The following SLC41A3 variants were observed in gnomAD, a reference collection of about 807,000 sequenced individuals.
SLC41A3 encodes the protein solute carrier family 41 member 3.
In SLC41A3, 44 loss-of-function variants were observed where a neutral mutation model predicts 45.4. The observed-to-expected ratio is 0.97, with a 90% CI of 0.76 to 1.25. The LOEUF (loss-of-function observed/expected upper bound fraction) is 1.25. Ranked by LOEUF, SLC41A3 falls within the 50% of genes most tolerant of loss-of-function variation. The probability of loss-of-function intolerance (pLI) is 0.00; values close to 1 mark genes in which losing one functional copy is unlikely to be tolerated. For missense variants in SLC41A3, 550 were observed against 600.6 expected, an observed-to-expected ratio of 0.92 and a Z score of 0.88; for synonymous variants, 256 against 252.4, an observed-to-expected ratio of 1.01 and a Z score of -0.13.
intron 2 of SLC41A3, among the ~76,000 whole-genome samples, chr3:126,052,272 C>T (rs1051083626): frequency 6.6e-6 from 1 of 152,170 alleles, no homozygotes; most frequent in Admixed American, 6.5e-5. Context: ...AGCCTGCACA[C>T]CCTCCACATA....
intron 2 of SLC41A3, among the ~76,000 whole-genome samples, chr3:126,061,705 C>T (rs1251680595): frequency 6.6e-6 from 1 of 152,112 alleles, no homozygotes; most frequent in Non-Finnish European, 1.5e-5. Context: ...GAGGAGGTGA[C>T]CATAACAACA....
chr3:126,042,388 C>T (rs1055057379), intron 3 of SLC41A3, among the ~76,000 whole-genome samples: 1 of 152,090 alleles, frequency 6.6e-6, no homozygotes, highest in Non-Finnish European at 1.5e-5. Context: ...CCGAAAAGAC[C>T]TTAAGCCTTC....
intron 3 of SLC41A3, among the ~76,000 whole-genome samples, chr3:126,040,472 A>G (rs960445781): frequency 6.6e-6 from 1 of 152,200 alleles, no homozygotes; most frequent in Non-Finnish European, 1.5e-5. Flanking sequence ...AGGCAGAGGT[A>G]GTCCTGGGGA....
At chr3:126,081,163 G>C (rs1455856221) in intron 1 of SLC41A3, among the ~76,000 whole-genome samples, 1 of 152,150 alleles carries the variant, frequency 6.6e-6, no homozygotes, top group African/African-American at 2.4e-5. Flanking sequence ...ATACACAATG[G>C]AGTACTATTC....
At chr3:126,031,113 A>G (rs1941765387) in intron 4 of SLC41A3, among the ~76,000 whole-genome samples, 1 of 152,198 alleles carries the variant, frequency 6.6e-6, no homozygotes, top group Non-Finnish European at 1.5e-5. Flanking sequence ...AATACAGAAA[A>G]CCATATATAT....
intron 3 of SLC41A3, among the ~76,000 whole-genome samples, chr3:126,038,009 C>T (rs1115841): frequency 0.68 from 103,766 of 152,162 alleles, 36,835 homozygotes; most frequent in African/African-American, 0.89. Context: ...AGTACAGCTT[C>T]GGCTGCTGCT....
chr3:126,061,080 T>G (rs1944040216), intron 2 of SLC41A3, among the ~76,000 whole-genome samples: 2 of 152,160 alleles, frequency 1.3e-5, no homozygotes, highest in Non-Finnish European at 2.9e-5. Flanking sequence ...TTTCTGACAC[T>G]GCAGTGGGAA....
intron 1 of SLC41A3, among the ~76,000 whole-genome samples, chr3:126,100,343 A>G (rs1945684563): frequency 6.6e-6 from 1 of 152,120 alleles, no homozygotes; most frequent in African/African-American, 2.4e-5. Flanking sequence ...ACCACATCAG[A>G]ATGTTCTAGG....
At chr3:126,037,926 C>T (rs2107797738) in intron 3 of SLC41A3, among the ~76,000 whole-genome samples, 1 of 152,174 alleles carries the variant, frequency 6.6e-6, no homozygotes, top group South Asian at 2.1e-4. Context: ...GCACTGCTTC[C>T]CTACACAGCC....
At chr3:126,048,097 A>G (rs1576304441) in intron 3 of SLC41A3, among the ~76,000 whole-genome samples, 1 of 152,224 alleles carries the variant, frequency 6.6e-6, no homozygotes, top group African/African-American at 2.4e-5. Context: ...CAAAGAAGAC[A>G]TACAAACGGC....
rs778832877 is a variant in SLC41A3 at position 126,016,787 on chromosome 3, G to A, written c.834C>T (p.Ile278=). ...ACCAGCCAAACTTCAGGATCTTCAC[G>A]ATGGGTGGGCTCTGCTTGGCAATGA... is the stretch of plus-strand genomic sequence containing the variant. ...WVLIAKQSPP[I]VKILKFGWFP... The change falls in exon 7 of 11, where the codon ATC becomes ATT. Residue 278 remains isoleucine, a synonymous_variant. Transcript: ENST00000360370. The A allele has an allele frequency of 3.9e-5, 63 of 1,612,660 alleles. No individual in the cohort carries two copies. In the South Asian group the frequency reaches 5.5e-4, roughly 14 times the overall value.
Position 126,033,650 on chromosome 3 carries a change from T to TGGG in SLC41A3, c.407_409dup (p.Pro136dup). The TGGG allele has an allele frequency of 6.2e-7, 1 of 1,613,144 alleles. No homozygotes were observed. The highest frequency in any genetic ancestry group is 8.5e-7 in the Non-Finnish European group (1 of 1,179,864). ...GCTGCTGATGACTCTGTGCTGCTCC[T>TGGG]GGGGGTCATCAATTTGTCCAGTGTT... On this transcript the variant is annotated inframe_insertion, in exon 4 of 11. Coordinates refer to ENST00000360370, the MANE Select transcript of SLC41A3 (RefSeq NM_017836.4).
chr3:126,024,794 A>C (rs547122203), intron 5 of SLC41A3: 22 of 152,358 alleles, frequency 1.4e-4, no homozygotes, highest in African/African-American at 5.3e-4. Context: ...CCCAGGAGAG[A>C]GCTGGAGGAG....
chr3:126,068,339 C>T (rs1016745597), intron 1 of SLC41A3, 93 bp from the exon 2 acceptor site: 7 of 1,224,190 alleles, frequency 5.7e-6, no homozygotes, highest in East Asian at 5.2e-5. Context: ...AGCCCCAGGC[C>T]GGCATGGTCC....
At chr3:126,044,294 T>A (rs1254458327) in intron 3 of SLC41A3, among the ~76,000 whole-genome samples, 1 of 151,988 alleles carries the variant, frequency 6.6e-6, no homozygotes, top group Non-Finnish European at 1.5e-5. Flanking sequence ...ACATCAAAGT[T>A]CCCAAAATAC....
chr3:126,050,901 C>A (rs779966857), intron 3 of SLC41A3, 42 bp downstream of exon 3: 23 of 1,586,450 alleles, frequency 1.4e-5, no homozygotes, highest in Non-Finnish European at 1.6e-5. Flanking sequence ...GACGCGCCTG[C>A]CTCACGTTGT....
chr3:126,100,056 C>T (rs947037690), intron 1 of SLC41A3, among the ~76,000 whole-genome samples: 1 of 152,070 alleles, frequency 6.6e-6, no homozygotes, highest in African/African-American at 2.4e-5. Flanking sequence ...TTGAGCTTGC[C>T]CAAAAGGGGT....
At chr3:126,086,933 A>G (rs1237187206), upstream of SLC41A3, among the ~76,000 whole-genome samples, 2 of 152,296 alleles carry the variant, frequency 1.3e-5, no homozygotes, top group African/African-American at 4.8e-5. Flanking sequence ...ATCAAAAAAT[A>G]CTAATCAATG....
chr3:126,061,058 C>T (rs896963392), intron 2 of SLC41A3, among the ~76,000 whole-genome samples: 10 of 152,146 alleles, frequency 6.6e-5, no homozygotes, highest in Non-Finnish European at 1.0e-4. Flanking sequence ...TGGGCAGGGG[C>T]TCTGGAGTAC....
Sources: gnomAD v4.1 joint callset for allele counts (sites outside exome capture counted in the v4.1 genomes callset) on GRCh38, gnomAD v4.1.1 for gene constraint, MANE v1.5 for transcripts, NCBI Gene and HGNC (gene_info 2026-07-23, HGNC 2026-07-21) for gene names.